PRKAG2: variants seen among roughly 807,000 people sequenced by gnomAD.
PRKAG2 encodes the protein 5'-AMP-activated protein kinase subunit gamma-2.
Under a neutral mutation model 69.6 loss-of-function variants are expected in PRKAG2, and 26 were observed. The ratio of observed to expected loss-of-function variants is 0.37; its 90% CI spans 0.27 to 0.52. The LOEUF (loss-of-function observed/expected upper bound fraction) is 0.52. Ranked by LOEUF, PRKAG2 falls within the 20% of genes least tolerant of loss-of-function variation. The probability of loss-of-function intolerance (pLI) is 0.90; values close to 1 mark genes in which losing one functional copy is unlikely to be tolerated. For synonymous variants in PRKAG2, 293 were observed against 285.0 expected (o/e 1.03, Z -0.28); for missense variants, 557 against 740.0 (o/e 0.75, Z 2.87).
In PRKAG2 at chr7:151,835,490, G is replaced by A. The variant is rs944540170; in HGVS notation, c.114+41017C>T. ...ATTACAGGCATTAACCACCACACTC[G>A]ACACCCTTAGAAAGTTTTCAGAAAT... is the stretch of plus-strand genomic sequence containing the variant. On this transcript the variant is annotated intron_variant, in intron 1 of 15. Coordinates refer to ENST00000287878, the MANE Select transcript of PRKAG2 (RefSeq NM_016203.4). This position sits in a 1 kb window ranked among gnomAD's most constrained non-coding sequence, Gnocchi z 4.1. 6.6e-6 allele frequency among the ~76,000 whole-genome samples: 1 copy of A among 151,956 alleles called. No individual in the cohort carries two copies. The highest frequency in any genetic ancestry group is 1.5e-5 in the Non-Finnish European group (1 of 67,988).
At chr7:151,558,424 A>G (rs576634661) in intron 15 of PRKAG2, 507 of 985,392 alleles carry the variant, frequency 5.1e-4, no homozygotes, top group Non-Finnish European at 6.0e-4. Flanking sequence ...TTTTCATAGC[A>G]ACATAGGAGG....
chr7:151,606,561 T>C (rs1817607792), intron 5 of PRKAG2, among the ~76,000 whole-genome samples: 2 of 152,216 alleles, frequency 1.3e-5, no homozygotes, highest in Non-Finnish European at 1.5e-5. Context: ...GGCTCACGCC[T>C]GTAATCCCAG....
rs573551675 is a variant in PRKAG2, at chr7:151,763,397, C to T, written c.466+17755G>A. Among the ~76,000 whole-genome samples the T allele has an allele frequency of 2.1e-4, 32 of 152,356 alleles. No homozygotes were observed. In the South Asian group the frequency reaches 6.2e-3, roughly 30 times the overall value. On this transcript the variant is annotated intron_variant, in intron 3 of 15. Transcript: ENST00000287878. The stretch of plus-strand genomic sequence containing the variant: ...GCCTGTCCTCTCTCTTTGGTGAAAC[C>T]CCATCATGTGGTCCCACCCTGACCG...
intron 3 of PRKAG2, among the ~76,000 whole-genome samples, chr7:151,726,306 G>A (rs1351127232): frequency 6.6e-6 from 1 of 151,916 alleles, no homozygotes; most frequent in Non-Finnish European, 1.5e-5. Context: ...CATGCAGGGC[G>A]CCAGGTTAGG....
chr7:151,876,172 C>T lies in PRKAG2; in HGVS notation c.114+335G>A, dbSNP rs528351892. On this transcript the variant is annotated intron_variant, in intron 1 of 15. Transcript: ENST00000287878. ...ACACCGTCCCTTTTCAGCAAAACAA[C>T]ACAACGCACCGCCCCCCGCACCCGC... is the stretch of plus-strand genomic sequence containing the variant. Among the ~76,000 whole-genome samples, 12 of 151,768 alleles carry T rather than the reference C, an allele frequency of 7.9e-5. No homozygotes were observed. The South Asian group carries it at 1.7e-3, about 21-fold the overall frequency.
intron 4 of PRKAG2, among the ~76,000 whole-genome samples, chr7:151,663,789 T>C (rs1438871974): frequency 6.6e-6 from 1 of 152,240 alleles, no homozygotes; most frequent in Non-Finnish European, 1.5e-5. Context: ...GTCCCTTGCC[T>C]TTCTGGGGAT....
chr7:151,732,693 C>T (rs1799145941), intron 3 of PRKAG2, among the ~76,000 whole-genome samples: 2 of 152,074 alleles, frequency 1.3e-5, no homozygotes, highest in African/African-American at 4.8e-5. Flanking sequence ...AAAAGGCACC[C>T]AGAGTGGTTT....
rs1384251976 is a variant in PRKAG2, at chr7:151,675,436, T to C, written c.668A>G (p.Tyr223Cys). Residue 223 changes from tyrosine (Y) to cysteine (C), a missense_variant, in exon 4 of 16, where the codon TAT becomes TGT. This residue lies in a region of PRKAG2 where 352 missense variants were observed against 356.7 expected (regional missense o/e 0.99). Transcript: ENST00000287878. The stretch of plus-strand genomic sequence containing the variant: ...CAGACTTACGGCTTTGGAGGGAGCA[T>C]AGTGTGTCGGTGATGCCAGTGGAGG... ...TRPPLASPTH[Y>C]APSKAAALAA... The C allele has an allele frequency of 2.5e-6, 4 of 1,613,396 alleles. No homozygotes were observed. Among genetic ancestry groups the C allele is most frequent in the Non-Finnish European group, 8.5e-7 (1 of 1,179,694 alleles).
At chr7:151,792,915 A>G (rs966338050) in intron 1 of PRKAG2, among the ~76,000 whole-genome samples, 10 of 152,212 alleles carry the variant, frequency 6.6e-5, no homozygotes, top group African/African-American at 2.4e-4. Flanking sequence ...CAGGCCCACA[A>G]GAACACAGCC....
At chr7:151,822,000 G>A (rs1042889973) in intron 1 of PRKAG2, among the ~76,000 whole-genome samples, 1 of 152,216 alleles carries the variant, frequency 6.6e-6, no homozygotes, top group Admixed American at 6.5e-5. Flanking sequence ...GGGAGCCAAG[G>A]ATCTGGGAGG....
rs529769320 is a variant in PRKAG2 at position 151,809,058 on chromosome 7, C to G, written c.115-22517G>C. Among the ~76,000 whole-genome samples the G allele has an allele frequency of 4.6e-5, 7 of 152,304 alleles. No individual in the cohort carries two copies. In the South Asian group the frequency reaches 1.4e-3, roughly 32 times the overall value. On this transcript the variant is annotated intron_variant, in intron 1 of 15. Coordinates refer to ENST00000287878, the MANE Select transcript of PRKAG2 (RefSeq NM_016203.4). ...ATGCCAGTGAGCACGTCTCAGGGCT[C>G]TACGCCTTGCACGGATGAGTATGGG...
At chr7:151,562,873 T>C (rs1170120414) in intron 14 of PRKAG2, among the ~76,000 whole-genome samples, 2 of 150,900 alleles carry the variant, frequency 1.3e-5, no homozygotes, top group African/African-American at 4.9e-5. Flanking sequence ...GAGAATCGCT[T>C]GAACCTGGGA....
chr7:151,752,944 G>A (rs1318760489), intron 3 of PRKAG2, among the ~76,000 whole-genome samples: 2 of 152,340 alleles, frequency 1.3e-5, no homozygotes, highest in African/African-American at 2.4e-5. Flanking sequence ...AGTGACCGGC[G>A]TCCACTTCAC....
chr7:151,585,840 C>A (rs1811525087), intron 6 of PRKAG2, among the ~76,000 whole-genome samples: 1 of 152,172 alleles, frequency 6.6e-6, no homozygotes, highest in South Asian at 2.1e-4. Context: ...GAATGTGATG[C>A]CAGGGAGCAG....
intron 5 of PRKAG2, among the ~76,000 whole-genome samples, chr7:151,622,247 T>C (rs1187288838): frequency 6.6e-6 from 1 of 152,246 alleles, no homozygotes; most frequent in Admixed American, 6.5e-5. Context: ...GACAAAAGGC[T>C]ATCCTAACTC....
chr7:151,688,417 G>A (rs1835106079), intron 3 of PRKAG2, among the ~76,000 whole-genome samples: 1 of 152,242 alleles, frequency 6.6e-6, no homozygotes, highest in Non-Finnish European at 1.5e-5. Flanking sequence ...TCGCTATGAT[G>A]TAAAACAGCA....
chr7:151,851,125 T>C (rs1328888861), intron 1 of PRKAG2, among the ~76,000 whole-genome samples: 1 of 151,940 alleles, frequency 6.6e-6, no homozygotes, highest in Non-Finnish European at 1.5e-5. Flanking sequence ...TAGGGAAATA[T>C]CACAAAACAA....
rs569943581 is a variant in PRKAG2 at position 151,807,748 on chromosome 7, C to T, written c.115-21207G>A. ...TTTCAGAGGAAGCCAGGAGCGAGAA[C>T]TCGTGCATCCGAACCCTTCTCTGAC... On this transcript the variant is annotated intron_variant, in intron 1 of 15. Transcript: ENST00000287878. This position sits in a 1 kb window ranked among gnomAD's most constrained non-coding sequence, Gnocchi z 4.4. 2 of 382,712 alleles carry T rather than the reference C, an allele frequency of 5.2e-6. No individual in the cohort carries two copies. The highest frequency in any genetic ancestry group is 3.9e-5 in the South Asian group (2 of 51,890). The allele number at this position is 382,712 out of a possible 1,614,324, so 23.7% of individuals were successfully genotyped here. A position where few individuals can be genotyped will look rare whatever the true frequency, so the allele number is the denominator to read the frequency against.
chr7:151,640,034 G>A (rs1191125037), intron 4 of PRKAG2, among the ~76,000 whole-genome samples: 2 of 152,138 alleles, frequency 1.3e-5, no homozygotes, highest in Non-Finnish European at 2.9e-5. Context: ...GTCTTGGCCA[G>A]GCACAGTGGC....
Sources: allele counts gnomAD v4.1 joint callset (sites outside exome capture counted in the v4.1 genomes callset), GRCh38; gene constraint gnomAD v4.1.1; regional missense constraint gnomAD v4.1.1; non-coding constraint Gnocchi (gnomAD v3.1); transcripts MANE v1.5; gene names NCBI Gene and HGNC (gene_info 2026-07-23, HGNC 2026-07-21).